MAGI3: variants seen among roughly 807,000 people sequenced by gnomAD.
The protein encoded by MAGI3 is membrane-associated guanylate kinase, WW and PDZ domain-containing protein 3.
Under a neutral mutation model 121.8 loss-of-function variants are expected in MAGI3, and 43 were observed. The ratio of observed to expected loss-of-function variants is 0.35; its 90% CI spans 0.28 to 0.46. The LOEUF (loss-of-function observed/expected upper bound fraction) is 0.46, where lower values mean the gene tolerates loss of function less well. Among genes scored for constraint, MAGI3 ranks in the 20% least tolerant of loss-of-function variants. The pLI is 1.00. For missense variants in MAGI3, 1,547 were observed against 1,797.3 expected (o/e 0.86, Z 2.52); for synonymous variants, 553 against 639.3 (o/e 0.86, Z 2.04).
chr1:113,631,421 C>G (rs577666674), intron 9 of MAGI3, among the ~76,000 whole-genome samples: 46 of 152,178 alleles, frequency 3.0e-4, no homozygotes, highest in Non-Finnish European at 6.2e-4. Flanking sequence ...CCGTCACCAT[C>G]TATCCTCTAA....
chr1:113,438,490 G>A (rs531045217), intron 1 of MAGI3, among the ~76,000 whole-genome samples: 14 of 152,230 alleles, frequency 9.2e-5, no homozygotes, highest in Non-Finnish European at 1.5e-4. Flanking sequence ...TGCTATAAAC[G>A]AATACCTGAG....
intron 1 of MAGI3, among the ~76,000 whole-genome samples, chr1:113,503,371 T>G (rs61589674): frequency 0.051 from 7,255 of 142,700 alleles, no homozygotes; most frequent in South Asian, 0.17. Context: ...AAAACAGTGC[T>G]AAATTATAAT....
At chr1:113,559,567 C>CTTTTTTTTTTTTTTTT (rs200737453) in intron 2 of MAGI3, among the ~76,000 whole-genome samples, 1 of 150,598 alleles carries the variant, frequency 6.6e-6, no homozygotes, top group Non-Finnish European at 1.5e-5. Context: ...CATAAAGTTC[C>CTTTTTTTTTTTTTTTT]TTTTTTTTGT....
At chr1:113,511,919 A>G (rs995866278) in intron 1 of MAGI3, among the ~76,000 whole-genome samples, 1 of 152,226 alleles carries the variant, frequency 6.6e-6, no homozygotes, top group Admixed American at 6.5e-5. Context: ...CAGGGGTGGC[A>G]CATTAAACAG....
At chr1:113,562,195 G>T (rs1660267601) in intron 2 of MAGI3, among the ~76,000 whole-genome samples, 1 of 152,168 alleles carries the variant, frequency 6.6e-6, no homozygotes, top group Non-Finnish European at 1.5e-5. Context: ...CACGAGGTCA[G>T]GAGATCGAGA....
chr1:113,648,991 A>G lies in MAGI3; in HGVS notation c.2156-246A>G, dbSNP rs3827732. On this transcript the variant is annotated intron_variant, in intron 12 of 20. Coordinates refer to ENST00000307546, the MANE Select transcript of MAGI3 (RefSeq NM_001142782.2). ...AGAAGTTAATGGCAGTGTAATACTG[A>G]GTATATGGAAGTGAGAGTAAATGTT... is the stretch of plus-strand genomic sequence containing the variant. Among the ~76,000 whole-genome samples the G allele has an allele frequency of 6.6e-5, 10 of 152,308 alleles. No homozygotes were observed. The East Asian group carries it at 1.7e-3, about 26-fold the overall frequency.
At chr1:113,491,957 C>A (rs768200974) in intron 1 of MAGI3, among the ~76,000 whole-genome samples, 1 of 152,138 alleles carries the variant, frequency 6.6e-6, no homozygotes, top group African/African-American at 2.4e-5. Context: ...AGAGTTGATA[C>A]CATTCCTACT....
intron 5 of MAGI3, among the ~76,000 whole-genome samples, chr1:113,593,247 T>TA (rs1302585770): frequency 1.3e-5 from 2 of 152,252 alleles, no homozygotes; most frequent in African/African-American, 2.4e-5. Context: ...CATTCATTGT[T>TA]ACTAATTAAT....
At chr1:113,648,023 A>G (rs1350617074) in intron 12 of MAGI3, among the ~76,000 whole-genome samples, 1 of 151,812 alleles carries the variant, frequency 6.6e-6, no homozygotes, top group Non-Finnish European at 1.5e-5. Context: ...CCTAGGTTCA[A>G]GCAATTCTCC....
At chr1:113,535,361 C>T (rs1473529596) in intron 1 of MAGI3, among the ~76,000 whole-genome samples, 1 of 151,708 alleles carries the variant, frequency 6.6e-6, no homozygotes, top group Non-Finnish European at 1.5e-5. Flanking sequence ...CATTGTCTTG[C>T]CACTGAGAAA....
intron 2 of MAGI3, among the ~76,000 whole-genome samples, chr1:113,574,950 T>G (rs1188609168): frequency 6.6e-6 from 1 of 152,214 alleles, no homozygotes; most frequent in Non-Finnish European, 1.5e-5. Flanking sequence ...CTTCAGTCTC[T>G]GATATCCGTT....
At chr1:113,451,050 A>G (rs1342795747) in intron 1 of MAGI3, among the ~76,000 whole-genome samples, 1 of 152,134 alleles carries the variant, frequency 6.6e-6, no homozygotes, top group Non-Finnish European at 1.5e-5. Context: ...TCATTACATC[A>G]AGTATATTGC....
At chr1:113,657,664 C>T (rs1272719611) in intron 15 of MAGI3, among the ~76,000 whole-genome samples, 2 of 152,180 alleles carry the variant, frequency 1.3e-5, no homozygotes, top group Non-Finnish European at 2.9e-5. Context: ...CACAGGGCCA[C>T]CGTATGACCT....
chr1:113,657,797 T>C (rs1016429114), intron 15 of MAGI3, among the ~76,000 whole-genome samples: 5 of 152,238 alleles, frequency 3.3e-5, no homozygotes, highest in African/African-American at 1.2e-4. Context: ...GAAAATAGAA[T>C]AATAAGTGCT....
chr1:113,461,192 A>C lies in MAGI3; in HGVS notation c.316+69843A>C, dbSNP rs564554760. Among the ~76,000 whole-genome samples the C allele has an allele frequency of 5.9e-5, 9 of 152,338 alleles. No individual in the cohort carries two copies. The South Asian group carries it at 1.9e-3, about 32-fold the overall frequency. ...GTACAGATTCAATGCTATTTCTATCAAACTACCAACAGCATTATTCACAGA... is the reference window on the plus strand; with the variant it reads ...GTACAGATTCAATGCTATTTCTATCCAACTACCAACAGCATTATTCACAGA... On this transcript the variant is annotated intron_variant, in intron 1 of 20. Transcript: ENST00000307546.
chr1:113,414,301 C>T (rs986881827), intron 1 of MAGI3, among the ~76,000 whole-genome samples: 9 of 151,972 alleles, frequency 5.9e-5, no homozygotes, highest in Non-Finnish European at 1.3e-4. Context: ...TGAGGATTTT[C>T]GCATCGATGT....
intron 3 of MAGI3, among the ~76,000 whole-genome samples, chr1:113,584,577 T>G (rs149527187): frequency 6.6e-6 from 1 of 152,326 alleles, no homozygotes; most frequent in East Asian, 1.9e-4. Context: ...TATGATCTGG[T>G]TAGTTCTTAG....
Position 113,646,490 on chromosome 1 carries a change from C to T in MAGI3, c.2003C>T (p.Thr668Ile), listed in dbSNP as rs768019201. Residue 668 changes from threonine (T) to isoleucine (I), a missense_variant, in exon 12 of 21, where the codon ACA (threonine) becomes ATA (isoleucine). Thr to Ile is a moderately conservative substitution (Grantham distance 89). Transcript: ENST00000307546. ...PSPTKTAKMK[T>I]DKKENAGSLE... ...TAAGGCTCTTTTCCATTTCAGAAAA[C>T]AGATAAAAAGGAAAATGCAGGAAGT... The T allele has an allele frequency of 3.8e-6, 6 of 1,586,688 alleles. No individual in the cohort carries two copies. The highest frequency in any genetic ancestry group is 1.2e-5 in the South Asian group (1 of 86,728).
intron 1 of MAGI3, among the ~76,000 whole-genome samples, chr1:113,511,275 A>G (rs1033594991): frequency 2.6e-5 from 4 of 152,262 alleles, no homozygotes; most frequent in African/African-American, 7.2e-5. Context: ...AGGTAACCTT[A>G]AAGTATGAAA....
Sources: gnomAD v4.1 joint callset for allele counts (sites outside exome capture counted in the v4.1 genomes callset) on GRCh38, gnomAD v4.1.1 for gene constraint, MANE v1.5 for transcripts, NCBI Gene and HGNC (gene_info 2026-07-23, HGNC 2026-07-21) for gene names.